SULT2B1: variants seen among roughly 807,000 people sequenced by gnomAD.
The protein encoded by SULT2B1 is sulfotransferase family 2B member 1.
SULT2B1 carries 16 observed loss-of-function variants against 33.2 expected under a neutral mutation model. The ratio of observed to expected loss-of-function variants is 0.48; its 90% CI spans 0.33 to 0.73. SULT2B1 has a LOEUF of 0.73. Among genes scored for constraint, SULT2B1 ranks in the 30% least tolerant of loss-of-function variants. The pLI is 0.02. For synonymous variants in SULT2B1, 186 were observed against 200.5 expected (o/e 0.93, Z 0.61); for missense variants, 500 against 506.0 (o/e 0.99, Z 0.11).
chr19:48,573,382 T>G (rs532732591), intron 1 of SULT2B1, among the ~76,000 whole-genome samples: 1 of 152,118 alleles, frequency 6.6e-6, no homozygotes, highest in Non-Finnish European at 1.5e-5. Flanking sequence ...ACGTGTTTTG[T>G]GGGAACAAAC....
intron 3 of SULT2B1, among the ~76,000 whole-genome samples, chr19:48,588,239 G>A (rs560624820): frequency 8.8e-5 from 13 of 147,870 alleles, no homozygotes; most frequent in Admixed American, 4.8e-4. Context: ...ACAGCCAGGC[G>A]CAGTGGCTCA....
rs773833028 is a variant in SULT2B1, at chr19:48,575,928, C to G, written c.72-13C>G. The G allele has an allele frequency of 5.6e-6, 9 of 1,609,240 alleles. No individual in the cohort carries two copies. In the Admixed American group the frequency reaches 1.2e-4, roughly 21 times the overall value. ...CTACTCTCCCTCATGGCGTCTCCCC[C>G]ACCTTTCCACAGCCAGAAGTTGCCA... On this transcript the variant is annotated splice_polypyrimidine_tract_variant and intron_variant, in intron 1 of 6. Coordinates refer to ENST00000201586, the MANE Select transcript of SULT2B1 (RefSeq NM_177973.2).
chr19:48,579,629 G>A (rs1209878681), intron 2 of SULT2B1, among the ~76,000 whole-genome samples: 1 of 27,958 alleles, frequency 3.6e-5, no homozygotes, highest in African/African-American at 1.0e-4. Context: ...TTTTTGAGAC[G>A]AAGTCTCGCT....
rs192715000 is a variant in SULT2B1 at position 48,597,107 on chromosome 19, G to A, written c.826+188G>A. On this transcript the variant is annotated intron_variant, in intron 6 of 6. Transcript: ENST00000201586. ...GACTCAGCACACGTGCCAGCCACCCGAGGCGTCCCCATCCAGAGAACTCCC... is the reference window on the plus strand; with the variant it reads ...GACTCAGCACACGTGCCAGCCACCCAAGGCGTCCCCATCCAGAGAACTCCC... Among the ~76,000 whole-genome samples, 87 of 152,220 alleles carry A rather than the reference G, an allele frequency of 5.7e-4. 1 individual carries two copies. Among genetic ancestry groups the A allele is most frequent in the Admixed American group, 2.0e-3 (30 of 15,278 alleles).
intron 2 of SULT2B1, among the ~76,000 whole-genome samples, chr19:48,578,732 C>A (rs1298317169): frequency 1.3e-5 from 2 of 151,978 alleles, no homozygotes; most frequent in East Asian, 1.9e-4. Context: ...CAAAAACTAT[C>A]CAGGCGTGGT....
rs149128158 is a variant in SULT2B1, at chr19:48,569,996, C to T, written c.72-5945C>T. 1.8e-3 allele frequency among the ~76,000 whole-genome samples: 269 copies of T among 152,148 alleles called. 1 individual carries two copies. The highest frequency in any genetic ancestry group is 6.8e-3 in the Middle Eastern group (2 of 294). ...ATCACATCTGCAAAGTCCGTTTGGC[C>T]ATTTGTGGAACACAGTCTCAGATTT... On this transcript the variant is annotated intron_variant, in intron 1 of 6. Coordinates refer to ENST00000201586, the MANE Select transcript of SULT2B1 (RefSeq NM_177973.2).
At chr19:48,594,962 C>A (rs899018541) in intron 5 of SULT2B1, among the ~76,000 whole-genome samples, 2 of 151,730 alleles carry the variant, frequency 1.3e-5, no homozygotes, top group African/African-American at 4.8e-5. Flanking sequence ...GTGGAGGTTG[C>A]AGTAAGCTGA....
chr19:48,571,610 C>T (rs918912806), intron 1 of SULT2B1, among the ~76,000 whole-genome samples: 2 of 150,154 alleles, frequency 1.3e-5, no homozygotes, highest in Admixed American at 6.7e-5. Flanking sequence ...ACTTTAGGTA[C>T]ATTGGCAAAC....
intron 3 of SULT2B1, among the ~76,000 whole-genome samples, chr19:48,590,311 A>G (rs932692986): frequency 6.6e-6 from 1 of 151,996 alleles, no homozygotes; most frequent in African/African-American, 2.4e-5. Context: ...TTTCTAAAAA[A>G]TAAGACTAGG....
At chr19:48,578,539 C>T (rs1312350713) in intron 2 of SULT2B1, among the ~76,000 whole-genome samples, 13 of 151,660 alleles carry the variant, frequency 8.6e-5, no homozygotes, top group Non-Finnish European at 2.9e-5. Context: ...ACGCGTTCAC[C>T]CCACCGCACT....
At chr19:48,572,455 A>T (rs12977008) in intron 1 of SULT2B1, among the ~76,000 whole-genome samples, 80,158 of 151,626 alleles carry the variant, frequency 0.53, 22,676 homozygotes, top group South Asian at 0.67. Flanking sequence ...CGGAGGTTGC[A>T]GTGAGCTGAG....
rs1271218599 is a variant in SULT2B1 at position 48,596,925 on chromosome 19, G to C, written c.826+6G>C. 6.4e-7 allele frequency: 1 copy of C among 1,572,184 alleles called. No homozygotes were observed. Among genetic ancestry groups the C allele is most frequent in the Non-Finnish European group, 8.6e-7 (1 of 1,165,080 alleles). ...CGGGGCCTTCCTCCGGAAAGGTGCG[G>C]GGGTTCTGGGGTTCAGAGCCCACTA... On this transcript the variant is annotated splice_donor_region_variant and intron_variant, in intron 6 of 6. Coordinates refer to ENST00000201586, the MANE Select transcript of SULT2B1 (RefSeq NM_177973.2).
chr19:48,591,809 G>A, intron 4 of SULT2B1, 74 bp downstream of exon 4: 1 of 1,464,676 alleles, frequency 6.8e-7, no homozygotes, highest in Non-Finnish European at 9.1e-7. Flanking sequence ...GAGGGACAGA[G>A]GAGGGGTAAG....
intron 1 of SULT2B1, among the ~76,000 whole-genome samples, chr19:48,567,640 T>C (rs1973263334): frequency 6.6e-6 from 1 of 152,060 alleles, no homozygotes; most frequent in South Asian, 2.1e-4. Context: ...ATTCTGCCAC[T>C]TCCCAGCTCT....
Position 48,587,221 on chromosome 19 carries a change from C to T in SULT2B1, c.215-8C>T. 6.2e-7 allele frequency: 1 copy of T among 1,600,920 alleles called. No individual in the cohort carries two copies. The highest frequency in any genetic ancestry group is 8.5e-7 in the Non-Finnish European group (1 of 1,172,164). On this transcript the variant is annotated splice_polypyrimidine_tract_variant and splice_region_variant and intron_variant, in intron 2 of 6. Transcript: ENST00000201586. The stretch of plus-strand genomic sequence containing the variant: ...CACCCAATTAATCTGCTCGATTTCT[C>T]CCAACAGGCACGACCTGGATGATCG...
intron 4 of SULT2B1, 102 bp downstream of exon 4, chr19:48,591,837 G>A (rs1466788413): frequency 7.3e-7 from 1 of 1,366,518 alleles, no homozygotes; most frequent in Non-Finnish European, 9.7e-7. Flanking sequence ...GAGAGACAGA[G>A]ACACAGGGCA....
At chr19:48,555,010 T>A (rs963583660) in intron 1 of SULT2B1, among the ~76,000 whole-genome samples, 2 of 152,140 alleles carry the variant, frequency 1.3e-5, no homozygotes, top group Admixed American at 6.6e-5. Context: ...TCAGCCCAGA[T>A]GGGAGGTGAA....
intron 1 of SULT2B1, among the ~76,000 whole-genome samples, chr19:48,569,361 AAC>A (rs1973288211): frequency 6.0e-4 from 6 of 9,968 alleles, no homozygotes; most frequent in African/African-American, 1.9e-3. Context: ...AAAAAAAAAA[AAC>A]ATATATATAT....
intron 5 of SULT2B1, among the ~76,000 whole-genome samples, chr19:48,594,078 G>C (rs1443061152): frequency 6.6e-6 from 1 of 151,428 alleles, no homozygotes; most frequent in East Asian, 2.0e-4. Flanking sequence ...TGCCAACATG[G>C]TGAAACCCCG....
Sources: gnomAD v4.1 joint callset for allele counts (sites outside exome capture counted in the v4.1 genomes callset) on GRCh38, gnomAD v4.1.1 for gene constraint, MANE v1.5 for transcripts, NCBI Gene and HGNC (gene_info 2026-07-23, HGNC 2026-07-21) for gene names.